ZNF439: variants seen among roughly 807,000 people sequenced by gnomAD.
The protein encoded by ZNF439 is zinc finger protein 439.
ZNF439 carries 40 observed loss-of-function variants against 47.3 expected under a neutral mutation model. The ratio of observed to expected loss-of-function variants is 0.85; its 90% CI spans 0.66 to 1.10. The LOEUF (loss-of-function observed/expected upper bound fraction) is 1.10, where lower values mean the gene tolerates loss of function less well. ZNF439 is among the 50% of genes least tolerant of loss of function. The pLI is 0.00. For synonymous variants in ZNF439, 171 were observed against 198.8 expected (o/e 0.86, Z 1.18); for missense variants, 556 against 601.1 (o/e 0.93, Z 0.78).
intron 1 of ZNF439, among the ~76,000 whole-genome samples, chr19:11,864,937 T>C (rs956608172): frequency 2.6e-5 from 4 of 151,960 alleles, no homozygotes; most frequent in Non-Finnish European, 5.9e-5. Flanking sequence ...TGCGCCACCA[T>C]GCCCGGCTAA....
chr19:11,857,912 A>C (rs1976430132), intron 1 of ZNF439: 1 of 152,190 alleles, frequency 6.6e-6, no homozygotes. Flanking sequence ...CCTTTCTCTG[A>C]ATAACTGATG....
chr19:11,854,006 G>A (rs948662468), intron 1 of ZNF439, among the ~76,000 whole-genome samples: 5 of 152,104 alleles, frequency 3.3e-5, no homozygotes, highest in African/African-American at 7.2e-5. Flanking sequence ...AATATCAAAG[G>A]TCCCGTGGAT....
intron 1 of ZNF439, among the ~76,000 whole-genome samples, chr19:11,864,628 A>G (rs543840362): frequency 2.0e-5 from 3 of 152,198 alleles, no homozygotes; most frequent in African/African-American, 4.8e-5. Flanking sequence ...TACTTACTAT[A>G]AAACAAAACT....
At chr19:11,865,750 G>C (rs1226472422) in intron 1 of ZNF439, among the ~76,000 whole-genome samples, 4 of 140,598 alleles carry the variant, frequency 2.8e-5, no homozygotes, top group Non-Finnish European at 6.0e-5. Context: ...ATTGCTGTCT[G>C]GGTGTGGTGG....
chr19:11,863,004 C>A lies in ZNF439; in HGVS notation c.64-3201C>A, dbSNP rs981871630. Reference sequence around the variant, plus strand: ...CCTCAGGTGATCCACCTGCCTCGGCCTCCCAAACTGTTGGATTATAGACAT... The same window carrying A: ...CCTCAGGTGATCCACCTGCCTCGGCATCCCAAACTGTTGGATTATAGACAT... On this transcript the variant is annotated intron_variant, in intron 1 of 3. Transcript: ENST00000682736. Among the ~76,000 whole-genome samples, 27 of 152,112 alleles carry A rather than the reference C, an allele frequency of 1.8e-4. 1 individual carries two copies. Among genetic ancestry groups the A allele is most frequent in the African/African-American group, 5.5e-4 (23 of 41,502 alleles).
chr19:11,866,730 A>AT (rs1413782360), intron 3 of ZNF439, 133 bp downstream of exon 3: 1 of 974,756 alleles, frequency 1.0e-6, no homozygotes, highest in Non-Finnish European at 1.5e-6. Context: ...TTTATCTAAA[A>AT]ATATATATTT....
intron 1 of ZNF439, among the ~76,000 whole-genome samples, chr19:11,862,756 T>C (rs1976572544): frequency 6.6e-6 from 1 of 151,994 alleles, no homozygotes; most frequent in African/African-American, 2.4e-5. Flanking sequence ...TTTTTTTTTT[T>C]CTTCTTTTGG....
intron 1 of ZNF439, among the ~76,000 whole-genome samples, chr19:11,855,176 C>T (rs554748733): frequency 3.5e-4 from 53 of 152,338 alleles, no homozygotes; most frequent in South Asian, 1.9e-3. Context: ...AAGCTTACCA[C>T]CAATGCCAGC....
intron 1 of ZNF439, among the ~76,000 whole-genome samples, chr19:11,860,076 C>T (rs544141452): frequency 6.6e-6 from 1 of 152,282 alleles, no homozygotes; most frequent in South Asian, 2.1e-4. Flanking sequence ...TCTGCAGAAA[C>T]CATGGGTTAT....
chr19:11,855,416 A>G (rs2551865), intron 1 of ZNF439, among the ~76,000 whole-genome samples: 34,809 of 152,064 alleles, frequency 0.23, 4,527 homozygotes, highest in Non-Finnish European at 0.3. Flanking sequence ...ATGGAACCAA[A>G]ACATAATAAG....
chr19:11,852,837 A>G (rs914264253), intron 1 of ZNF439, among the ~76,000 whole-genome samples: 4 of 151,670 alleles, frequency 2.6e-5, no homozygotes, highest in Non-Finnish European at 4.4e-5. Context: ...CAGCCTATAT[A>G]GGTAGAAAAT....
At chr19:11,852,123 C>T (rs1370372339) in intron 1 of ZNF439, among the ~76,000 whole-genome samples, 3 of 152,110 alleles carry the variant, frequency 2.0e-5, no homozygotes, top group Non-Finnish European at 4.4e-5. Context: ...TAGTCTACTA[C>T]AGAGATCAGT....
At chr19:11,865,957 G>A (rs1474270525) in intron 1 of ZNF439, 2 of 1,200,588 alleles carry the variant, frequency 1.7e-6, no homozygotes, top group Non-Finnish European at 2.1e-6. Context: ...AACCCCGGCA[G>A]TGAGCCGAGA....
Position 11,868,513 on chromosome 19 carries a change from C to T in ZNF439, c.1459C>T (p.Arg487Ter), listed in dbSNP as rs753649716. Residue 487 changes from arginine to a stop codon, truncating the protein, a stop_gained, in exon 4 of 4, where the codon CGA (arginine) becomes TGA (stop). Transcript: ENST00000682736. LOFTEE classifies it high-confidence loss of function. ...GKAFRYVQNF[R>*]FHERTQTHKN... ...AGCCTTCAGATATGTCCAGAACTTT[C>T]GATTTCATGAAAGGACACAAACACA... 34 of 1,612,210 alleles carry T rather than the reference C, an allele frequency of 2.1e-5. No individual in the cohort carries two copies. The African/African-American group carries it at 2.1e-4, about 10-fold the overall frequency.
intron 3 of ZNF439, among the ~76,000 whole-genome samples, chr19:11,866,873 A>G (rs531489332): frequency 6.0e-4 from 91 of 152,252 alleles, no homozygotes; most frequent in Middle Eastern, 3.4e-3. Context: ...AACAACAGCA[A>G]AAAATTAGCT....
At chr19:11,849,361 G>A in intron 1 of ZNF439, 1 of 871,742 alleles carries the variant, frequency 1.1e-6, no homozygotes, top group Non-Finnish European at 1.4e-6. Context: ...TCACGAATGA[G>A]AAACACCCGG....
chr19:11,853,703 C>A (rs559824802), intron 1 of ZNF439, among the ~76,000 whole-genome samples: 2 of 152,290 alleles, frequency 1.3e-5, no homozygotes, highest in South Asian at 4.1e-4. Context: ...GGGCCTTGGG[C>A]TCCCAACATC....
chr19:11,856,490 G>T (rs905665061), intron 1 of ZNF439: 1 of 152,250 alleles, frequency 6.6e-6, no homozygotes, highest in Non-Finnish European at 1.5e-5. Flanking sequence ...TGTCTCGCCT[G>T]TTTGGCATGT....
At chr19:11,860,884 T>G (rs894617774) in intron 1 of ZNF439, among the ~76,000 whole-genome samples, 3 of 152,196 alleles carry the variant, frequency 2.0e-5, no homozygotes, top group African/African-American at 7.2e-5. Context: ...GACACGAGTT[T>G]GCCCACATTC....
Sources: gnomAD v4.1 joint callset for allele counts (sites outside exome capture counted in the v4.1 genomes callset) on GRCh38, gnomAD v4.1.1 for gene constraint, MANE v1.5 for transcripts, NCBI Gene and HGNC (gene_info 2026-07-23, HGNC 2026-07-21) for gene names.